The following AFF3 variants were observed in gnomAD, a reference collection of about 807,000 sequenced individuals.
The protein encoded by AFF3 is ALF transcription elongation factor 3.
AFF3 carries 32 observed loss-of-function variants against 129.7 expected under a neutral mutation model. The observed-to-expected ratio is 0.25, with a 90% CI of 0.19 to 0.33. The LOEUF is 0.33. Among genes scored for constraint, AFF3 ranks in the 10% least tolerant of loss-of-function variants. AFF3 has a pLI of 1.00. For missense variants in AFF3, 1,373 were observed against 1,592.0 expected (o/e 0.86, Z 2.34); for synonymous variants, 644 against 635.4 (o/e 1.01, Z -0.20).
intron 15 of AFF3, among the ~76,000 whole-genome samples, chr2:99,589,899 C>A (rs571822177): frequency 6.6e-6 from 1 of 152,228 alleles, no homozygotes; most frequent in Non-Finnish European, 1.5e-5. Context: ...CATTCTTTCA[C>A]AGTCTCTGTC....
chr2:99,572,199 A>T (rs1396745259), intron 18 of AFF3, among the ~76,000 whole-genome samples: 1 of 151,522 alleles, frequency 6.6e-6, no homozygotes, highest in African/African-American at 2.4e-5. Context: ...GCTTAGCTGC[A>T]TGCATCTTCA....
chr2:100,121,570 T>A (rs1691966746), intron 2 of AFF3, among the ~76,000 whole-genome samples: 1 of 152,190 alleles, frequency 6.6e-6, no homozygotes, highest in Non-Finnish European at 1.5e-5. Flanking sequence ...TTTGACAGTG[T>A]CTGAGCTGGC....
At chr2:99,756,598 G>A (rs771024055) in intron 8 of AFF3, among the ~76,000 whole-genome samples, 7 of 152,096 alleles carry the variant, frequency 4.6e-5, no homozygotes, top group Non-Finnish European at 1.0e-4. Context: ...ACTGGTATTG[G>A]TTTAACATCA....
chr2:99,698,954 A>G (rs1359474708), intron 11 of AFF3, among the ~76,000 whole-genome samples: 1 of 152,214 alleles, frequency 6.6e-6, no homozygotes, highest in Non-Finnish European at 1.5e-5. Context: ...GAGCACATCA[A>G]TGTAAGAAGT....
At chr2:100,039,330 A>T (rs1685233606) in intron 4 of AFF3, among the ~76,000 whole-genome samples, 1 of 152,180 alleles carries the variant, frequency 6.6e-6, no homozygotes, top group African/African-American at 2.4e-5. Flanking sequence ...AGACCTAGAC[A>T]GGAGGATTGC....
chr2:100,017,477 AG>A (rs1229695842), intron 4 of AFF3, among the ~76,000 whole-genome samples: 2 of 152,250 alleles, frequency 1.3e-5, no homozygotes, highest in African/African-American at 4.8e-5. Flanking sequence ...CTACCAGAGC[AG>A]GAATGAGATT....
chr2:99,663,395 T>C (rs1395595703), intron 12 of AFF3, among the ~76,000 whole-genome samples: 2 of 152,216 alleles, frequency 1.3e-5, no homozygotes. Context: ...CTTGGTATCT[T>C]GATGAAGCAA....
chr2:100,002,091 T>C (rs1442944956), intron 7 of AFF3, among the ~76,000 whole-genome samples: 1 of 152,036 alleles, frequency 6.6e-6, no homozygotes, highest in Non-Finnish European at 1.5e-5. Flanking sequence ...GGAAACTGAG[T>C]CTCCAGGCTT....
intron 7 of AFF3, among the ~76,000 whole-genome samples, chr2:99,843,112 T>C (rs758515734): frequency 3.3e-5 from 5 of 152,200 alleles, no homozygotes; most frequent in Non-Finnish European, 5.9e-5. Flanking sequence ...AAACCTGACA[T>C]ACAAAAAGTT....
intron 13 of AFF3, among the ~76,000 whole-genome samples, chr2:99,644,545 T>C (rs1684521723): frequency 6.6e-6 from 1 of 152,248 alleles, no homozygotes; most frequent in Non-Finnish European, 1.5e-5. Context: ...AGCAGCGCTG[T>C]CACTCTGAGA....
At chr2:99,845,635 C>A (rs1183312020) in intron 7 of AFF3, among the ~76,000 whole-genome samples, 1 of 152,104 alleles carries the variant, frequency 6.6e-6, no homozygotes, top group Non-Finnish European at 1.5e-5. Context: ...GATAAGAATA[C>A]TTTAAGATTT....
chr2:99,797,274 A>G (rs1356107893), intron 8 of AFF3, among the ~76,000 whole-genome samples: 1 of 152,194 alleles, frequency 6.6e-6, no homozygotes, highest in Non-Finnish European at 1.5e-5. Flanking sequence ...CTGAGTTTTC[A>G]TCTAGAGATG....
intron 4 of AFF3, among the ~76,000 whole-genome samples, chr2:100,055,196 A>C (rs910822592): frequency 1.3e-5 from 2 of 152,126 alleles, no homozygotes; most frequent in Non-Finnish European, 2.9e-5. Flanking sequence ...CTTTTAGTAC[A>C]TAGGGAAGGC....
chr2:99,898,443 A>G (rs1279821538), intron 7 of AFF3, among the ~76,000 whole-genome samples: 1 of 152,122 alleles, frequency 6.6e-6, no homozygotes, highest in Non-Finnish European at 1.5e-5. Context: ...CTAGCTCTTG[A>G]TGCTGACCAC....
At chr2:99,635,519 C>A (rs1013785847) in intron 13 of AFF3, among the ~76,000 whole-genome samples, 1 of 152,230 alleles carries the variant, frequency 6.6e-6, no homozygotes, top group African/African-American at 2.4e-5. Context: ...CCAGGCTGGT[C>A]TCAAACTCCT....
intron 24 of AFF3, among the ~76,000 whole-genome samples, chr2:99,553,556 A>G (rs920041003): frequency 2.0e-5 from 3 of 152,312 alleles, no homozygotes; most frequent in African/African-American, 7.2e-5. Flanking sequence ...AACAATATAT[A>G]TCTTAAGAGA....
At chr2:100,092,277 C>T (rs1256979112) in intron 4 of AFF3, among the ~76,000 whole-genome samples, 1 of 151,888 alleles carries the variant, frequency 6.6e-6, no homozygotes, top group Non-Finnish European at 1.5e-5. Context: ...ACCCTCATCC[C>T]CTTCTACCCA....
At chr2:99,966,117 T>G (rs1239227414) in intron 7 of AFF3, among the ~76,000 whole-genome samples, 5 of 152,192 alleles carry the variant, frequency 3.3e-5, no homozygotes, top group Non-Finnish European at 7.3e-5. Flanking sequence ...ATTAATAAAT[T>G]TATATTGAGT....
intron 7 of AFF3, among the ~76,000 whole-genome samples, chr2:99,959,585 C>T (rs1021783292): frequency 6.6e-6 from 1 of 151,100 alleles, no homozygotes; most frequent in Non-Finnish European, 1.5e-5. Flanking sequence ...AAAAATCTTC[C>T]TCACAATCCC....
Sources: gnomAD v4.1 joint callset for allele counts (sites outside exome capture counted in the v4.1 genomes callset) on GRCh38, gnomAD v4.1.1 for gene constraint, MANE v1.5 for transcripts, NCBI Gene and HGNC (gene_info 2026-07-23, HGNC 2026-07-21) for gene names.